Variants in SNX2 observed in about 807,000 individuals in gnomAD.
SNX2 encodes the protein sorting nexin 2.
In SNX2, 25 loss-of-function variants were observed where a neutral mutation model predicts 69.9. That is an observed-to-expected ratio of 0.36 (90% CI 0.26 to 0.50). The LOEUF is 0.50. SNX2 is among the 20% of genes least tolerant of loss of function. The pLI is 0.97. For synonymous variants in SNX2, 229 were observed against 200.4 expected (o/e 1.14, Z -1.20); for missense variants, 551 against 613.3 (o/e 0.90, Z 1.07).
intron 11 of SNX2, among the ~76,000 whole-genome samples, chr5:122,819,893 C>T (rs1753981602): frequency 6.6e-6 from 1 of 152,120 alleles, no homozygotes; most frequent in Admixed American, 6.5e-5. Context: ...TGTTCTTAAG[C>T]AACTGGTGAC....
At chr5:122,824,423 A>C (rs2150017542) in intron 11 of SNX2, among the ~76,000 whole-genome samples, 1 of 152,262 alleles carries the variant, frequency 6.6e-6, no homozygotes, top group African/African-American at 2.4e-5. Context: ...GATTTTAATA[A>C]GGGATGTTTT....
chr5:122,805,883 C>A lies in SNX2; in HGVS notation c.643+2270C>A, dbSNP rs565117871. Among the ~76,000 whole-genome samples, 988 of 152,162 alleles carry A rather than the reference C, an allele frequency of 6.5e-3. 12 individuals are homozygous for A. Among genetic ancestry groups the A allele is most frequent in the African/African-American group, 0.022 (903 of 41,512 alleles). On this transcript the variant is annotated intron_variant, in intron 6 of 14. Coordinates refer to ENST00000379516, the MANE Select transcript of SNX2 (RefSeq NM_003100.4). ...GCAAGCTCTGTCTCCCGGGTTCATG[C>A]TATTCTCCTGCCTCAGCCTCCTGAG... is the stretch of plus-strand genomic sequence containing the variant.
chr5:122,781,563 T>G (rs1228328937), intron 1 of SNX2, among the ~76,000 whole-genome samples: 1 of 152,204 alleles, frequency 6.6e-6, no homozygotes. Context: ...AAATATAAGC[T>G]TAATTTTAAA....
chr5:122,794,432 C>T (rs1753328910), intron 1 of SNX2, among the ~76,000 whole-genome samples: 1 of 152,158 alleles, frequency 6.6e-6, no homozygotes, highest in Non-Finnish European at 1.5e-5. Context: ...GGTCTTAATT[C>T]AACTAGTAGT....
At chr5:122,802,799 A>T (rs1314897701) in intron 5 of SNX2, among the ~76,000 whole-genome samples, 1 of 152,190 alleles carries the variant, frequency 6.6e-6, no homozygotes, top group Admixed American at 6.5e-5. Flanking sequence ...GGTTCTGGAG[A>T]TGAGCAAAAT....
chr5:122,789,768 G>A (rs188159756), intron 1 of SNX2, among the ~76,000 whole-genome samples: 1 of 152,186 alleles, frequency 6.6e-6, no homozygotes, highest in African/African-American at 2.4e-5. Flanking sequence ...CTGTGACTGA[G>A]GCCCACTTTC....
intron 1 of SNX2, among the ~76,000 whole-genome samples, chr5:122,781,520 T>C (rs1752980913): frequency 6.6e-6 from 1 of 152,214 alleles, no homozygotes; most frequent in Non-Finnish European, 1.5e-5. Flanking sequence ...GCAGCGTACA[T>C]ACCTACAAAG....
intron 11 of SNX2, among the ~76,000 whole-genome samples, chr5:122,824,118 C>T (rs1461024744): frequency 2.7e-5 from 4 of 149,722 alleles, no homozygotes; most frequent in Non-Finnish European, 5.9e-5. Flanking sequence ...AGGAGAATGG[C>T]GTGAACCTGG....
At chr5:122,794,163 T>C (rs909420073) in intron 1 of SNX2, among the ~76,000 whole-genome samples, 1 of 151,696 alleles carries the variant, frequency 6.6e-6, no homozygotes, top group South Asian at 2.1e-4. Context: ...ATACAAAAAT[T>C]AGCCGGGCAT....
At chr5:122,783,006 G>A (rs919594517) in intron 1 of SNX2, among the ~76,000 whole-genome samples, 3 of 142,730 alleles carry the variant, frequency 2.1e-5, no homozygotes, top group African/African-American at 5.2e-5. Flanking sequence ...GCGTGATCTC[G>A]GCTCACTGCA....
chr5:122,778,799 T>C (rs962768491), intron 1 of SNX2, among the ~76,000 whole-genome samples: 3 of 152,200 alleles, frequency 2.0e-5, no homozygotes, highest in Non-Finnish European at 4.4e-5. Context: ...TTTAACCCAA[T>C]ATTAAACTCC....
At chr5:122,785,278 T>TTTG (rs919956318) in intron 1 of SNX2, among the ~76,000 whole-genome samples, 8 of 151,742 alleles carry the variant, frequency 5.3e-5, no homozygotes, top group Admixed American at 1.3e-4. Context: ...CTAGTTTTTT[T>TTTG]TTGTTGTTGT....
In SNX2 at chr5:122,833,433, TTAA is replaced by T. The variant is rs1391343324; in HGVS notation, c.*3790_*3792del. On this transcript the variant is annotated 3_prime_UTR_variant, in exon 15 of 15. Coordinates refer to ENST00000379516, the MANE Select transcript of SNX2 (RefSeq NM_003100.4). ...AAATGTTAAAAAGTAAAAAACAATT[TTAA>T]TAATCCAGTAGCTCCAAAATATTAT... is the stretch of plus-strand genomic sequence containing the variant. 6.6e-6 allele frequency: 1 copy of T among 152,174 alleles called. No individual in the cohort carries two copies. The highest frequency in any genetic ancestry group is 2.4e-5 in the African/African-American group (1 of 41,452). 9.4% of individuals were successfully genotyped at this position (152,174 alleles called of 1,614,324 possible). A position where few individuals can be genotyped will look rare whatever the true frequency, so the allele number is the denominator to read the frequency against.
intron 5 of SNX2, among the ~76,000 whole-genome samples, chr5:122,802,622 A>G (rs1177678820): frequency 6.6e-6 from 1 of 152,152 alleles, no homozygotes; most frequent in Non-Finnish European, 1.5e-5. Context: ...TGTTTTAGAA[A>G]TATTTCTTTG....
In SNX2 at chr5:122,829,658, T is replaced by G. The variant is rs1462988601; in HGVS notation, c.*10T>G. The G allele has an allele frequency of 1.9e-6, 3 of 1,611,970 alleles. No homozygotes were observed. The South Asian group carries it at 3.3e-5, about 18-fold the overall frequency. On this transcript the variant is annotated 3_prime_UTR_variant, in exon 15 of 15. Coordinates refer to ENST00000379516, the MANE Select transcript of SNX2 (RefSeq NM_003100.4). ...CAAAGCCATTGCCTAGCAATAAGAT[T>G]GTTGCCGTTAAGAAGACCTTGGATG...
chr5:122,829,477 T>G, intron 14 of SNX2, 121 bp from the exon 15 acceptor site: 1 of 675,828 alleles, frequency 1.5e-6, no homozygotes, highest in East Asian at 3.0e-5. Flanking sequence ...AGTGCTGGAA[T>G]TATAGGTGTG....
chr5:122,814,036 A>G (rs1753843270), intron 7 of SNX2, among the ~76,000 whole-genome samples: 1 of 152,130 alleles, frequency 6.6e-6, no homozygotes, highest in Non-Finnish European at 1.5e-5. Flanking sequence ...TGCAGGGATT[A>G]CAGGCATGAG....
chr5:122,779,490 C>A (rs891177511), intron 1 of SNX2, among the ~76,000 whole-genome samples: 2 of 152,172 alleles, frequency 1.3e-5, no homozygotes, highest in African/African-American at 4.8e-5. Flanking sequence ...ATCAATACTT[C>A]ATTCCTTTTT....
intron 1 of SNX2, among the ~76,000 whole-genome samples, chr5:122,791,119 A>ATTTTTTT (rs71623268): frequency 7.6e-6 from 1 of 131,684 alleles, no homozygotes; most frequent in African/African-American, 2.9e-5. Flanking sequence ...GGCTATTTCA[A>ATTTTTTT]TTTTTTTTTT....
Sources: allele counts gnomAD v4.1 joint callset (sites outside exome capture counted in the v4.1 genomes callset), GRCh38; gene constraint gnomAD v4.1.1; transcripts MANE v1.5; gene names NCBI Gene and HGNC (gene_info 2026-07-23, HGNC 2026-07-21).